The following FHIP1A variants were observed in gnomAD, a reference collection of about 807,000 sequenced individuals.
FHIP1A encodes the protein FHF complex subunit HOOK interacting protein 1A.
Under a neutral mutation model 88.6 loss-of-function variants are expected in FHIP1A, and 61 were observed. The ratio of observed to expected loss-of-function variants is 0.69; its 90% CI spans 0.56 to 0.85. FHIP1A has a LOEUF of 0.85. FHIP1A is among the 40% of genes least tolerant of loss of function. The probability of loss-of-function intolerance (pLI) is 0.00; values close to 1 mark genes in which losing one functional copy is unlikely to be tolerated. For synonymous variants in FHIP1A, 478 were observed against 496.0 expected, an observed-to-expected ratio of 0.96 and a Z score of 0.48; for missense variants, 1,154 against 1,273.5, an observed-to-expected ratio of 0.91 and a Z score of 1.43.
intron 2 of FHIP1A, among the ~76,000 whole-genome samples, chr4:151,474,619 T>A (rs1032879258): frequency 3.9e-5 from 6 of 152,234 alleles, no homozygotes; most frequent in Admixed American, 3.9e-4. Flanking sequence ...AAGCTAAATC[T>A]TTAGTGTCTG....
intron 3 of FHIP1A, among the ~76,000 whole-genome samples, chr4:151,491,310 A>G (rs1351127167): frequency 6.6e-6 from 1 of 152,220 alleles, no homozygotes; most frequent in African/African-American, 2.4e-5. Flanking sequence ...GAAACCCTAC[A>G]AGCCAGAAGG....
At chr4:151,652,310 C>T (rs1164592529) in intron 11 of FHIP1A, among the ~76,000 whole-genome samples, 1 of 152,134 alleles carries the variant, frequency 6.6e-6, no homozygotes, top group Non-Finnish European at 1.5e-5. Context: ...TCTTTTGAAC[C>T]TTATACACAG....
chr4:151,624,105 G>C (rs1735854747), intron 7 of FHIP1A, among the ~76,000 whole-genome samples: 1 of 152,122 alleles, frequency 6.6e-6, no homozygotes, highest in South Asian at 2.1e-4. Flanking sequence ...GAAAAGTTAG[G>C]AACCCCAAAG....
chr4:151,472,027 T>C (rs1221842746), intron 2 of FHIP1A, among the ~76,000 whole-genome samples: 2 of 152,150 alleles, frequency 1.3e-5, no homozygotes, highest in Non-Finnish European at 2.9e-5. Context: ...CGATGGGCAT[T>C]TGGGTTGGTT....
chr4:151,579,185 T>C (rs1035155725), intron 5 of FHIP1A, among the ~76,000 whole-genome samples: 1 of 152,200 alleles, frequency 6.6e-6, no homozygotes, highest in African/African-American at 2.4e-5. Flanking sequence ...TACATGTCAA[T>C]ATACATTTGT....
chr4:151,569,829 G>C (rs12502457), intron 4 of FHIP1A, among the ~76,000 whole-genome samples: 1 of 152,120 alleles, frequency 6.6e-6, no homozygotes. Flanking sequence ...GTTGCCAGGG[G>C]AGAGACCTTA....
intron 1 of FHIP1A, among the ~76,000 whole-genome samples, chr4:151,432,912 G>C (rs908933272): frequency 1.3e-5 from 2 of 152,106 alleles, no homozygotes; most frequent in Admixed American, 1.3e-4. Context: ...TTTGCTGAGA[G>C]GACTAGAAAG....
intron 4 of FHIP1A, among the ~76,000 whole-genome samples, chr4:151,571,267 T>C (rs1209670579): frequency 1.3e-5 from 2 of 152,246 alleles, no homozygotes; most frequent in African/African-American, 4.8e-5. Context: ...ATTTCTGTCT[T>C]TGCTTCTAGT....
At chr4:151,538,497 G>A (rs985168453) in intron 3 of FHIP1A, among the ~76,000 whole-genome samples, 1 of 152,180 alleles carries the variant, frequency 6.6e-6, no homozygotes, top group African/African-American at 2.4e-5. Context: ...AGGGCCCTAG[G>A]AATTGCATTT....
At chr4:151,591,304 T>C (rs1734418680) in intron 7 of FHIP1A, among the ~76,000 whole-genome samples, 1 of 152,130 alleles carries the variant, frequency 6.6e-6, no homozygotes. Flanking sequence ...AGCAGTCATA[T>C]CCCATTTCCT....
At chr4:151,504,490 A>G (rs1454527607) in intron 3 of FHIP1A, among the ~76,000 whole-genome samples, 1 of 152,228 alleles carries the variant, frequency 6.6e-6, no homozygotes, top group East Asian at 1.9e-4. Context: ...GAAGTTATAC[A>G]TGATAGAAAC....
chr4:151,510,311 G>T (rs542328025), intron 3 of FHIP1A, among the ~76,000 whole-genome samples: 1 of 152,052 alleles, frequency 6.6e-6, no homozygotes, highest in South Asian at 2.1e-4. Flanking sequence ...GTCTTACTGT[G>T]TTGCCCAGGC....
At position 151,662,906 on chromosome 4, in the gene FHIP1A, T is replaced by TCG. The variant is rs1179988956; in HGVS notation, c.*153_*154insGC. The stretch of plus-strand genomic sequence containing the variant: ...GGAGGGGAATTTTCTGTATCTTTCC[T>TCG]CTCTCTCTCTAGCCGGGCCTTTCCA... On this transcript the variant is annotated 3_prime_UTR_variant, in exon 14 of 14. Coordinates refer to ENST00000435205, the MANE Select transcript of FHIP1A (RefSeq NM_001109977.3). The TCG allele has an allele frequency of 1.8e-5, 12 of 674,670 alleles. No individual in the cohort carries two copies. Among genetic ancestry groups the TCG allele is most frequent in the Non-Finnish European group, 2.7e-5 (12 of 440,236 alleles). The allele number at this position is 674,670 out of a possible 1,614,324, so 41.8% of individuals were successfully genotyped here.
intron 2 of FHIP1A, among the ~76,000 whole-genome samples, chr4:151,475,359 A>G (rs897512138): frequency 2.0e-5 from 3 of 152,214 alleles, no homozygotes; most frequent in Admixed American, 6.5e-5. Context: ...GATGATGACA[A>G]TTGCTACAGA....
At chr4:151,467,504 A>G (rs1243160711) in intron 2 of FHIP1A, among the ~76,000 whole-genome samples, 2 of 152,214 alleles carry the variant, frequency 1.3e-5, no homozygotes, top group African/African-American at 2.4e-5. Flanking sequence ...AAATCACTCT[A>G]CTGTAAAGAT....
At chr4:151,654,561 C>G (rs1737157910) in intron 11 of FHIP1A, among the ~76,000 whole-genome samples, 1 of 152,198 alleles carries the variant, frequency 6.6e-6, no homozygotes, top group African/African-American at 2.4e-5. Flanking sequence ...GAAATAGATG[C>G]TAAGCCAGGG....
intron 7 of FHIP1A, among the ~76,000 whole-genome samples, chr4:151,610,093 C>G (rs1264121765): frequency 6.6e-6 from 1 of 152,086 alleles, no homozygotes; most frequent in Non-Finnish European, 1.5e-5. Context: ...CCAGCTCTGC[C>G]ACTTGCTAGC....
chr4:151,522,121 C>T (rs7666571), intron 3 of FHIP1A, among the ~76,000 whole-genome samples: 77,562 of 151,980 alleles, frequency 0.51, 20,026 homozygotes, highest in Non-Finnish European at 0.55. Context: ...AATCTTTAGG[C>T]AGGCTGTCCC....
At chr4:151,435,855 A>AT (rs1490459285) in intron 1 of FHIP1A, among the ~76,000 whole-genome samples, 3 of 151,828 alleles carry the variant, frequency 2.0e-5, no homozygotes, top group African/African-American at 7.3e-5. Context: ...ATCAAGTAAG[A>AT]TTTTTTGGAA....
Sources: allele counts gnomAD v4.1 joint callset (sites outside exome capture counted in the v4.1 genomes callset), GRCh38; gene constraint gnomAD v4.1.1; transcripts MANE v1.5; gene names NCBI Gene and HGNC (gene_info 2026-07-23, HGNC 2026-07-21).